TENM3: variants seen among roughly 807,000 people sequenced by gnomAD.
TENM3 encodes the protein teneurin-3.
Under a neutral mutation model 255.1 loss-of-function variants are expected in TENM3, and 63 were observed. The ratio of observed to expected loss-of-function variants is 0.25; its 90% CI spans 0.20 to 0.30. The LOEUF is 0.30. Ranked by LOEUF, TENM3 falls within the 10% of genes least tolerant of loss-of-function variation. The probability of loss-of-function intolerance (pLI) is 1.00; values close to 1 mark genes in which losing one functional copy is unlikely to be tolerated. For missense variants in TENM3, 2,929 were observed against 3,461.1 expected, an observed-to-expected ratio of 0.85 and a Z score of 3.86; for synonymous variants, 1,306 against 1,322.3, an observed-to-expected ratio of 0.99 and a Z score of 0.27.
the TENM3 span, among the ~76,000 whole-genome samples, chr4:181,866,634 C>T: frequency 1.3e-5 from 2 of 152,114 alleles, no homozygotes; most frequent in African/African-American, 4.8e-5. Flanking sequence ...GTAGAATAAC[C>T]GAATATCAGG....
At chr4:182,515,313 G>A (rs1170228484) in intron 3 of TENM3, among the ~76,000 whole-genome samples, 2 of 152,138 alleles carry the variant, frequency 1.3e-5, no homozygotes, top group African/African-American at 4.8e-5. Context: ...AGGGTGGTTT[G>A]TCAAGGATGC....
chr4:181,641,293 T>G, the TENM3 span, among the ~76,000 whole-genome samples: 1 of 151,708 alleles, frequency 6.6e-6, no homozygotes, highest in Admixed American at 6.6e-5. Context: ...CATCAACCCG[T>G]CACCTACATT....
At chr4:182,742,030 A>G (rs1761644251) in intron 18 of TENM3, among the ~76,000 whole-genome samples, 3 of 152,228 alleles carry the variant, frequency 2.0e-5, no homozygotes, top group African/African-American at 7.2e-5. Context: ...CTTCTTTGGA[A>G]CATAGAACAT....
At chr4:182,494,575 T>G (rs1735586302) in intron 3 of TENM3, among the ~76,000 whole-genome samples, 1 of 152,210 alleles carries the variant, frequency 6.6e-6, no homozygotes, top group Non-Finnish European at 1.5e-5. Context: ...GGGCGACTAA[T>G]GTAATCTATT....
the TENM3 span, among the ~76,000 whole-genome samples, chr4:182,111,935 C>T: frequency 6.6e-6 from 1 of 152,146 alleles, no homozygotes; most frequent in Admixed American, 6.5e-5. Context: ...AAAGTCTTGA[C>T]CGTAAAGCTA....
At chr4:182,067,458 G>A in the TENM3 span, among the ~76,000 whole-genome samples, 1 of 152,124 alleles carries the variant, frequency 6.6e-6, no homozygotes, top group Non-Finnish European at 1.5e-5. Context: ...GTGTGAGTTT[G>A]AGGCCAAAAT....
chr4:182,746,955 ACTT>A (rs1340103298), intron 19 of TENM3, among the ~76,000 whole-genome samples: 1 of 152,184 alleles, frequency 6.6e-6, no homozygotes, highest in East Asian at 1.9e-4. Flanking sequence ...GTTCATTGGA[ACTT>A]CTTCTTTTAG....
the TENM3 span, among the ~76,000 whole-genome samples, chr4:181,823,835 T>C: frequency 3.3e-5 from 5 of 152,304 alleles, no homozygotes; most frequent in African/African-American, 1.2e-4. Context: ...CTTGACTCGA[T>C]GACAGCTTGA....
At chr4:182,526,508 T>G (rs542268123) in intron 3 of TENM3, among the ~76,000 whole-genome samples, 1 of 152,226 alleles carries the variant, frequency 6.6e-6, no homozygotes, top group East Asian at 1.9e-4. Context: ...CGTTGTCAGG[T>G]ATAGACATGC....
At chr4:181,505,582 A>G in the TENM3 span, among the ~76,000 whole-genome samples, 2 of 152,178 alleles carry the variant, frequency 1.3e-5, no homozygotes, top group African/African-American at 2.4e-5. Flanking sequence ...AACACAGCAA[A>G]CTTTCCGTTT....
At chr4:182,273,733 A>G (rs369296286) in intron 1 of TENM3, among the ~76,000 whole-genome samples, 5 of 152,236 alleles carry the variant, frequency 3.3e-5, no homozygotes, top group Non-Finnish European at 1.5e-5. Flanking sequence ...GGAGCAGGCC[A>G]CATTCAACAC....
At chr4:181,974,762 T>A in the TENM3 span, among the ~76,000 whole-genome samples, 1 of 152,180 alleles carries the variant, frequency 6.6e-6, no homozygotes, top group Non-Finnish European at 1.5e-5. Flanking sequence ...TGATATGATC[T>A]TACTTCTTCC....
Position 182,714,638 on chromosome 4 carries a change from G to A in TENM3, c.2368+405G>A, listed in dbSNP as rs191823562. On this transcript the variant is annotated intron_variant, in intron 13 of 27. Coordinates refer to ENST00000511685, the MANE Select transcript of TENM3 (RefSeq NM_001080477.4). Reference sequence around the variant, plus strand: ...GCCTCTTCTGTTGAAAGGCATGGATGGAAAAAAACAAAACAGTAACAGAGA... The same window carrying A: ...GCCTCTTCTGTTGAAAGGCATGGATAGAAAAAAACAAAACAGTAACAGAGA... 5.3e-4 allele frequency among the ~76,000 whole-genome samples: 81 copies of A among 152,208 alleles called. 1 individual carries two copies. Among genetic ancestry groups the A allele is most frequent in the African/African-American group, 1.8e-3 (75 of 41,522 alleles).
chr4:181,915,661 G>A, the TENM3 span, among the ~76,000 whole-genome samples: 1 of 148,404 alleles, frequency 6.7e-6, no homozygotes, highest in Non-Finnish European at 1.5e-5. Flanking sequence ...AGCAGAGAGG[G>A]GAGGGGAGGA....
the TENM3 span, among the ~76,000 whole-genome samples, chr4:181,528,409 G>C: frequency 6.6e-6 from 1 of 152,136 alleles, no homozygotes; most frequent in Non-Finnish European, 1.5e-5. Context: ...TATAGTCTTC[G>C]AGTGAACAAA....
At chr4:182,283,111 AC>A (rs1760500631) in intron 1 of TENM3, among the ~76,000 whole-genome samples, 2 of 152,126 alleles carry the variant, frequency 1.3e-5, no homozygotes, top group Admixed American at 1.3e-4. Context: ...TTGGATACTT[AC>A]CGCATTTTTA....
At chr4:181,673,846 G>GTGTGTGAA in the TENM3 span, among the ~76,000 whole-genome samples, 1 of 27,468 alleles carries the variant, frequency 3.6e-5, no homozygotes, top group African/African-American at 1.1e-4. Flanking sequence ...GAAGTGTGTG[G>GTGTGTGAA]TGTGTGTGTG....
At chr4:182,788,983 A>T in intron 24 of TENM3, 110 bp from the exon 25 acceptor site, 1 of 1,008,914 alleles carries the variant, frequency 9.9e-7, no homozygotes, top group Non-Finnish European at 1.4e-6. Flanking sequence ...TTGCTAAGTT[A>T]ATTTACTGAC....
chr4:181,754,591 C>T, the TENM3 span, among the ~76,000 whole-genome samples: 1 of 152,024 alleles, frequency 6.6e-6, no homozygotes, highest in East Asian at 1.9e-4. Flanking sequence ...AAAGGAATGA[C>T]AGTGGAGATG....
Sources: gnomAD v4.1 joint callset for allele counts (sites outside exome capture counted in the v4.1 genomes callset) on GRCh38, gnomAD v4.1.1 for gene constraint, MANE v1.5 for transcripts, NCBI Gene and HGNC (gene_info 2026-07-23, HGNC 2026-07-21) for gene names.